The following NRXN3 variants were observed in gnomAD, a reference collection of about 807,000 sequenced individuals.
The protein encoded by NRXN3 is neurexin 3, also known as neurexin III.
In NRXN3, 32 loss-of-function variants were observed where a neutral mutation model predicts 137.6. The ratio of observed to expected loss-of-function variants is 0.23; its 90% CI spans 0.18 to 0.31. The LOEUF (loss-of-function observed/expected upper bound fraction) is 0.31. NRXN3 is among the 10% of genes least tolerant of loss of function. NRXN3 has a pLI of 1.00. For synonymous variants in NRXN3, 798 were observed against 784.5 expected (o/e 1.02, Z -0.29); for missense variants, 1,574 against 2,062.5 (o/e 0.76, Z 4.59).
intron 16 of NRXN3, among the ~76,000 whole-genome samples, chr14:79,639,538 A>G (rs899724406): frequency 2.6e-5 from 4 of 152,144 alleles, no homozygotes; most frequent in East Asian, 3.9e-4. Context: ...CTGTTATACT[A>G]AGACTTTTCA....
chr14:79,090,928 C>A (rs906983077), intron 15 of NRXN3, among the ~76,000 whole-genome samples: 1 of 152,084 alleles, frequency 6.6e-6, no homozygotes, highest in African/African-American at 2.4e-5. Flanking sequence ...GATAAAGGAG[C>A]TACAGAAAAC....
chr14:78,721,702 A>T (rs2098460626), intron 8 of NRXN3, among the ~76,000 whole-genome samples: 1 of 152,188 alleles, frequency 6.6e-6, no homozygotes, highest in Non-Finnish European at 1.5e-5. Context: ...TAACGAATCG[A>T]ACCTTAGATT....
intron 8 of NRXN3, among the ~76,000 whole-genome samples, chr14:78,780,888 A>G (rs932235315): frequency 5.3e-5 from 8 of 152,220 alleles, no homozygotes; most frequent in African/African-American, 1.2e-4. Context: ...TTGAAATACA[A>G]TTTAGCATTG....
chr14:78,845,275 A>T (rs986785999), intron 10 of NRXN3, among the ~76,000 whole-genome samples: 1 of 152,110 alleles, frequency 6.6e-6, no homozygotes, highest in African/African-American at 2.4e-5. Context: ...GTGTTACTAC[A>T]TAGTGTTAAT....
At chr14:79,239,361 A>G (rs541062963) in intron 15 of NRXN3, among the ~76,000 whole-genome samples, 6 of 152,250 alleles carry the variant, frequency 3.9e-5, no homozygotes, top group Non-Finnish European at 7.4e-5. Flanking sequence ...GATAATAACA[A>G]TGAGAAGATA....
chr14:78,493,523 CAAATAAAT>C (rs144261455), intron 4 of NRXN3, among the ~76,000 whole-genome samples: 4,468 of 139,170 alleles, frequency 0.032, 189 homozygotes, highest in African/African-American at 0.095. Context: ...AACTCCATCT[CAAATAAAT>C]AAATAAATAA....
At chr14:78,509,167 C>T (rs533917962) in intron 4 of NRXN3, among the ~76,000 whole-genome samples, 1 of 152,138 alleles carries the variant, frequency 6.6e-6, no homozygotes, top group East Asian at 1.9e-4. Flanking sequence ...GGCATAGTGA[C>T]ACATGCTTGT....
chr14:78,610,054 GGA>G (rs58362029), intron 4 of NRXN3, among the ~76,000 whole-genome samples: 1 of 151,358 alleles, frequency 6.6e-6, no homozygotes, highest in Non-Finnish European at 1.5e-5. Flanking sequence ...GAGAGAGAGA[GGA>G]GAGAGAGAAA....
chr14:79,232,496 T>A (rs1156864136), intron 15 of NRXN3, among the ~76,000 whole-genome samples: 1 of 152,162 alleles, frequency 6.6e-6, no homozygotes, highest in African/African-American at 2.4e-5. Context: ...CTCTTTCAAA[T>A]GTTGTAGAAA....
At position 78,284,151 on chromosome 14, in the gene NRXN3, A is replaced by C. The variant is rs76870595; in HGVS notation, c.727+5489A>C. Among the ~76,000 whole-genome samples, 823 of 152,312 alleles carry C rather than the reference A, an allele frequency of 5.4e-3. 7 individuals are homozygous for C. Among genetic ancestry groups the C allele is most frequent in the African/African-American group, 0.019 (795 of 41,566 alleles). ...CCCAAATCACTAAAGGGAAAAGTCAAGCTGGGAACTGCTTAGGGGAAACCT... is the reference window on the plus strand; with the variant it reads ...CCCAAATCACTAAAGGGAAAAGTCACGCTGGGAACTGCTTAGGGGAAACCT... On this transcript the variant is annotated intron_variant, in intron 3 of 20. Transcript: ENST00000335750.
intron 20 of NRXN3, among the ~76,000 whole-genome samples, chr14:79,833,045 G>A (rs2141283151): frequency 6.6e-6 from 1 of 152,186 alleles, no homozygotes. Flanking sequence ...AAGGAAATTG[G>A]AATCCATGCA....
intron 14 of NRXN3, among the ~76,000 whole-genome samples, chr14:78,970,186 A>G (rs2099431935): frequency 6.6e-6 from 1 of 152,212 alleles, no homozygotes; most frequent in Non-Finnish European, 1.5e-5. Context: ...TTCAGATTTA[A>G]AAGTTAACAG....
At chr14:79,333,178 C>G (rs946035215) in intron 15 of NRXN3, among the ~76,000 whole-genome samples, 1 of 151,926 alleles carries the variant, frequency 6.6e-6, no homozygotes, top group Admixed American at 6.6e-5. Context: ...ATCCCCTCAA[C>G]TACTCATTTT....
At chr14:79,210,318 G>A (rs2153224989) in intron 15 of NRXN3, among the ~76,000 whole-genome samples, 1 of 152,298 alleles carries the variant, frequency 6.6e-6, no homozygotes, top group Middle Eastern at 3.4e-3. Context: ...CACTAGGACA[G>A]ATATGTTTCT....
At chr14:78,665,688 G>C (rs186263223) in intron 6 of NRXN3, among the ~76,000 whole-genome samples, 1 of 152,116 alleles carries the variant, frequency 6.6e-6, no homozygotes, top group Non-Finnish European at 1.5e-5. Flanking sequence ...AAACCTTGGG[G>C]AGAGGCCATT....
chr14:79,552,039 A>G (rs1334162898), intron 16 of NRXN3, among the ~76,000 whole-genome samples: 2 of 152,186 alleles, frequency 1.3e-5, no homozygotes, highest in African/African-American at 4.8e-5. Context: ...CCCGTGGTTC[A>G]TTAGAAATGG....
At chr14:78,377,071 TAAC>T (rs1432771440) in intron 4 of NRXN3, among the ~76,000 whole-genome samples, 1 of 152,108 alleles carries the variant, frequency 6.6e-6, no homozygotes, top group Non-Finnish European at 1.5e-5. Flanking sequence ...AGCCCCAACA[TAAC>T]AATAATTACA....
intron 19 of NRXN3, among the ~76,000 whole-genome samples, chr14:79,803,452 T>C (rs867639327): frequency 6.6e-6 from 1 of 152,138 alleles, no homozygotes; most frequent in Non-Finnish European, 1.5e-5. Flanking sequence ...TGCAGATGAC[T>C]ATCTGCCAGC....
chr14:79,730,389 G>C (rs2098917594), intron 19 of NRXN3, among the ~76,000 whole-genome samples: 1 of 152,122 alleles, frequency 6.6e-6, no homozygotes, highest in South Asian at 2.1e-4. Context: ...GCTGTGATTT[G>C]GAAAAAATTG....
Sources: allele counts gnomAD v4.1 joint callset (sites outside exome capture counted in the v4.1 genomes callset), GRCh38; gene constraint gnomAD v4.1.1; transcripts MANE v1.5; gene names NCBI Gene and HGNC (gene_info 2026-07-23, HGNC 2026-07-21).